The following TNKS variants were observed in gnomAD, a reference collection of about 807,000 sequenced individuals.
TNKS encodes tankyrase.
TNKS carries 72 observed loss-of-function variants against 135.8 expected under a neutral mutation model. The ratio of observed to expected loss-of-function variants is 0.53; its 90% CI spans 0.44 to 0.64. The LOEUF is 0.64. Among genes scored for constraint, TNKS ranks in the 30% least tolerant of loss-of-function variants. The probability of loss-of-function intolerance (pLI) is 0.00; values close to 1 mark genes in which losing one functional copy is unlikely to be tolerated. For synonymous variants in TNKS, 849 were observed against 649.3 expected (o/e 1.31, Z -4.68); for missense variants, 1,769 against 1,674.0 (o/e 1.06, Z -0.99).
intron 1 of TNKS, among the ~76,000 whole-genome samples, chr8:9,560,491 G>GTC (rs1554524373): frequency 2.0e-3 from 82 of 40,098 alleles, no homozygotes; most frequent in African/African-American, 8.4e-3. Flanking sequence ...GGCCATACTT[G>GTC]TCTTTTTTTT....
intron 17 of TNKS, among the ~76,000 whole-genome samples, chr8:9,744,183 G>T (rs562425689): frequency 6.6e-6 from 1 of 152,106 alleles, no homozygotes; most frequent in African/African-American, 2.4e-5. Context: ...GTGCCTTACT[G>T]TGTCGGTGTT....
intron 3 of TNKS, among the ~76,000 whole-genome samples, chr8:9,667,535 G>A (rs1201271643): frequency 6.6e-6 from 1 of 152,200 alleles, no homozygotes; most frequent in Non-Finnish European, 1.5e-5. Flanking sequence ...GACTGATGTG[G>A]AGGCATGTGA....
chr8:9,574,959 G>C, intron 1 of TNKS: 2 of 814,674 alleles, frequency 2.5e-6, no homozygotes, highest in Non-Finnish European at 3.0e-6. Flanking sequence ...TGTGAGGTAA[G>C]AAGCAAGTGG....
At position 9,641,808 on chromosome 8, in the gene TNKS, C is replaced by A. The variant is rs1585266395; in HGVS notation, c.994+26131C>A. 1.4e-5 allele frequency among the ~76,000 whole-genome samples: 2 copies of A among 145,808 alleles called. 1 individual carries two copies. On this transcript the variant is annotated intron_variant, in intron 3 of 26. Coordinates refer to ENST00000310430, the MANE Select transcript of TNKS (RefSeq NM_003747.3). ...TTTCTGGAATTACTGTTAGTTTCAT[C>A]ATCTGCCCTACAATATATCTATCTG...
intron 26 of TNKS, among the ~76,000 whole-genome samples, chr8:9,775,715 T>C (rs1808195221): frequency 6.6e-6 from 1 of 151,724 alleles, no homozygotes; most frequent in African/African-American, 2.4e-5. Context: ...TTTCTTTCCT[T>C]TTATTATCTT....
At chr8:9,721,153 G>A (rs1300661380) in intron 12 of TNKS, among the ~76,000 whole-genome samples, 1 of 151,622 alleles carries the variant, frequency 6.6e-6, no homozygotes, top group Non-Finnish European at 1.5e-5. Flanking sequence ...AGTGGCGCAT[G>A]CCTTGTAGCC....
chr8:9,720,457 G>C lies in TNKS; in HGVS notation c.1833G>C (p.Leu611=), dbSNP rs751106225. 2.5e-6 allele frequency: 4 copies of C among 1,614,116 alleles called. No homozygotes were observed. Among genetic ancestry groups the C allele is most frequent in the Middle Eastern group, 3.3e-4 (2 of 6,040 alleles). Reference sequence around the variant, plus strand: ...ACCTGCAGACCTGCCGCCTCCTGCTGAGTTACGGCTCTGACCCCTCCATCA... The same window carrying C: ...ACCTGCAGACCTGCCGCCTCCTGCTCAGTTACGGCTCTGACCCCTCCATCA... ...AGHLQTCRLL[L]SYGSDPSIIS... Residue 611 remains leucine, a synonymous_variant, in exon 12 of 27, where the codon CTG becomes CTC. Coordinates refer to ENST00000310430, the MANE Select transcript of TNKS (RefSeq NM_003747.3).
intron 2 of TNKS, among the ~76,000 whole-genome samples, chr8:9,610,681 C>G (rs1423410497): frequency 6.6e-6 from 1 of 152,068 alleles, no homozygotes; most frequent in Non-Finnish European, 1.5e-5. Context: ...TCTCTTTATT[C>G]TTAAAGCATT....
intron 1 of TNKS, among the ~76,000 whole-genome samples, chr8:9,561,756 G>T (rs183158668): frequency 6.6e-6 from 1 of 152,144 alleles, no homozygotes; most frequent in Non-Finnish European, 1.5e-5. Flanking sequence ...TAAATGTCCG[G>T]TTTTATAAGA....
intron 2 of TNKS, 161 bp from the exon 3 acceptor site, chr8:9,615,421 C>A: frequency 2.0e-6 from 1 of 510,094 alleles, no homozygotes; most frequent in Non-Finnish European, 3.4e-6. Context: ...TAGAGAGGCT[C>A]CTTTGCTGCA....
chr8:9,667,503 C>G (rs557163623), intron 3 of TNKS, among the ~76,000 whole-genome samples: 1 of 152,354 alleles, frequency 6.6e-6, no homozygotes, highest in East Asian at 1.9e-4. Flanking sequence ...ATCTTATAAC[C>G]ATATCATCCT....
intron 2 of TNKS, among the ~76,000 whole-genome samples, chr8:9,587,667 G>C (rs557087462): frequency 6.6e-6 from 1 of 152,276 alleles, no homozygotes; most frequent in African/African-American, 2.4e-5. Context: ...CTCCCAAAGT[G>C]CTGGGATTAC....
At chr8:9,760,284 G>A (rs778683010) in intron 20 of TNKS, among the ~76,000 whole-genome samples, 1 of 152,158 alleles carries the variant, frequency 6.6e-6, no homozygotes, top group Non-Finnish European at 1.5e-5. Flanking sequence ...GTGGTTGGAT[G>A]TGAATTGCCC....
chr8:9,618,390 G>C (rs1405283181), intron 3 of TNKS, among the ~76,000 whole-genome samples: 1 of 152,134 alleles, frequency 6.6e-6, no homozygotes, highest in Non-Finnish European at 1.5e-5. Context: ...GTTTTGGATA[G>C]CACACTTGGA....
intron 1 of TNKS, among the ~76,000 whole-genome samples, chr8:9,565,911 T>C (rs1797513371): frequency 6.6e-6 from 1 of 152,174 alleles, no homozygotes. Context: ...TGATGCCTTG[T>C]TAAAGTGTGT....
chr8:9,641,549 T>C (rs907235052), intron 3 of TNKS, among the ~76,000 whole-genome samples: 1 of 145,470 alleles, frequency 6.9e-6, no homozygotes, highest in Non-Finnish European at 1.5e-5. Context: ...GCCTAATACA[T>C]TGACAGAACT....
intron 1 of TNKS, among the ~76,000 whole-genome samples, chr8:9,562,772 A>G (rs1006992372): frequency 6.6e-6 from 1 of 151,686 alleles, no homozygotes; most frequent in Non-Finnish European, 1.5e-5. Context: ...AAGAGCTGTT[A>G]ATGTTGAAGG....
In TNKS at chr8:9,778,768, TAC is replaced by T. The variant is rs1808342315; in HGVS notation, c.*2033_*2034del. 5.9e-5 allele frequency: 9 copies of T among 152,332 alleles called. No homozygotes were observed. The East Asian group carries it at 1.3e-3, about 23-fold the overall frequency. 9.4% of individuals were successfully genotyped at this position (152,332 alleles called of 1,614,324 possible). ...TTTTCAGTAGCTGTCAAGTGTGTCT[TAC>T]TTACCTTCCCCCAGACGTAGTTTAA... On this transcript the variant is annotated 3_prime_UTR_variant, in exon 27 of 27. Coordinates refer to ENST00000310430, the MANE Select transcript of TNKS (RefSeq NM_003747.3).
At chr8:9,670,653 T>G (rs1449758357) in intron 3 of TNKS, 1 of 152,176 alleles carries the variant, frequency 6.6e-6, no homozygotes, top group Non-Finnish European at 1.5e-5. Flanking sequence ...TTTAGATATA[T>G]ATAATTTTCA....
Sources: allele counts gnomAD v4.1 joint callset (sites outside exome capture counted in the v4.1 genomes callset), GRCh38; gene constraint gnomAD v4.1.1; transcripts MANE v1.5; gene names NCBI Gene and HGNC (gene_info 2026-07-23, HGNC 2026-07-21).